The following EML4 variants were observed in gnomAD, a reference collection of about 807,000 sequenced individuals.
EML4 encodes the protein echinoderm microtubule-associated protein-like 4.
EML4 carries 72 observed loss-of-function variants against 129.0 expected under a neutral mutation model. The ratio of observed to expected loss-of-function variants is 0.56; its 90% CI spans 0.46 to 0.68. EML4 has a LOEUF of 0.68. Ranked by LOEUF, EML4 falls within the 30% of genes least tolerant of loss-of-function variation. EML4 has a pLI of 0.00. For synonymous variants in EML4, 532 were observed against 405.0 expected (o/e 1.31, Z -3.77); for missense variants, 1,363 against 1,190.6 (o/e 1.14, Z -2.13).
intron 1 of EML4, 37 bp from the exon 2 acceptor site, chr2:42,245,468 T>G: frequency 6.6e-7 from 1 of 1,508,888 alleles, no homozygotes; most frequent in Non-Finnish European, 9.0e-7. Flanking sequence ...TCAAGCAGTT[T>G]ACTTAAAAAT....
At position 42,295,251 on chromosome 2, in the gene EML4, AT is replaced by A; in HGVS notation, c.1350del (p.Phe450LeufsTer13). 1 of 1,613,140 alleles carries A rather than the reference AT, an allele frequency of 6.2e-7. No homozygotes were observed. The highest frequency in any genetic ancestry group is 1.1e-5 in the South Asian group (1 of 90,722). On this transcript the variant is annotated frameshift_variant, in exon 12 of 23. Coordinates refer to ENST00000318522, the MANE Select transcript of EML4 (RefSeq NM_019063.5). LOFTEE classifies it high-confidence loss of function. ...SGNSLTRKQG[I>X]FGKYEKPKFV... ...CAATTCACTAACAAGAAAACAGGGA[AT>A]TTTTGGGGTAAGAATCAGATTGTTT... is the stretch of plus-strand genomic sequence containing the variant.
At chr2:42,295,049 A>G in intron 11 of EML4, 76 bp from the exon 12 acceptor site, 2 of 1,317,680 alleles carry the variant, frequency 1.5e-6, no homozygotes, top group Non-Finnish European at 2.1e-6. Flanking sequence ...GTTAATTGTA[A>G]GTAGCAGTAA....
chr2:42,215,441 C>G (rs1484567801), intron 1 of EML4, among the ~76,000 whole-genome samples: 1 of 152,002 alleles, frequency 6.6e-6, no homozygotes, highest in Non-Finnish European at 1.5e-5. Context: ...TTTTATGTAC[C>G]TATAAAAGCT....
intron 1 of EML4, among the ~76,000 whole-genome samples, chr2:42,236,394 G>A (rs1229455107): frequency 2.0e-5 from 3 of 152,180 alleles, no homozygotes; most frequent in Non-Finnish European, 2.9e-5. Context: ...TCTTGGACAT[G>A]TCTTTTGATG....
In EML4 at chr2:42,216,230, C is replaced by CTTT. The variant is rs61417977; in HGVS notation, c.26-29247_26-29245dup. Among the ~76,000 whole-genome samples the CTTT allele has an allele frequency of 7.9e-3, 342 of 43,388 alleles. 43 individuals carry two copies. The highest frequency in any genetic ancestry group is 0.034 in the African/African-American group (265 of 7,862). The allele number at this position is 43,388 out of a possible 152,430, so 28.5% of individuals were successfully genotyped here. On this transcript the variant is annotated intron_variant, in intron 1 of 22. Coordinates refer to ENST00000318522, the MANE Select transcript of EML4 (RefSeq NM_019063.5). ...ATGAGCTACCACACCCGGCCCACTT[C>CTTT]TTTTTTTTTTTTTTTTTTTTTTTTT...
intron 1 of EML4, among the ~76,000 whole-genome samples, chr2:42,227,141 C>T (rs1026543752): frequency 1.3e-5 from 2 of 152,006 alleles, no homozygotes; most frequent in East Asian, 1.9e-4. Context: ...GGTAAGATCT[C>T]GCTCTGTTGC....
At chr2:42,178,312 G>A (rs1670729580) in intron 1 of EML4, among the ~76,000 whole-genome samples, 1 of 151,958 alleles carries the variant, frequency 6.6e-6, no homozygotes, top group Non-Finnish European at 1.5e-5. Context: ...GGAGGCCAGG[G>A]TAGGAATATC....
intron 18 of EML4, among the ~76,000 whole-genome samples, chr2:42,316,856 C>A (rs1669270869): frequency 6.6e-6 from 1 of 152,148 alleles, no homozygotes; most frequent in African/African-American, 2.4e-5. Flanking sequence ...CCTTTTGAGT[C>A]CTCATGAAGC....
chr2:42,320,437 C>T (rs1041815741), intron 19 of EML4, among the ~76,000 whole-genome samples: 2 of 152,028 alleles, frequency 1.3e-5, no homozygotes, highest in African/African-American at 2.4e-5. Flanking sequence ...GTTACTTAAC[C>T]TATCTATGCA....
At chr2:42,304,827 G>A (rs1668500718) in intron 17 of EML4, among the ~76,000 whole-genome samples, 1 of 152,126 alleles carries the variant, frequency 6.6e-6, no homozygotes, top group African/African-American at 2.4e-5. Flanking sequence ...GTATGGGACA[G>A]AATAAAAAAT....
intron 11 of EML4, among the ~76,000 whole-genome samples, chr2:42,293,951 T>G (rs964150035): frequency 2.0e-5 from 3 of 152,220 alleles, no homozygotes; most frequent in Non-Finnish European, 4.4e-5. Flanking sequence ...ACACGTAAAG[T>G]TCTTTGCTAA....
intron 1 of EML4, among the ~76,000 whole-genome samples, chr2:42,208,517 C>T (rs1362089298): frequency 6.6e-6 from 1 of 151,230 alleles, no homozygotes; most frequent in African/African-American, 2.4e-5. Context: ...TGATTGCAAC[C>T]TCCGCCCTCT....
chr2:42,199,935 G>A (rs1156405694), intron 1 of EML4, among the ~76,000 whole-genome samples: 1 of 152,100 alleles, frequency 6.6e-6, no homozygotes, highest in Non-Finnish European at 1.5e-5. Context: ...ATTTATGCCA[G>A]TCTTAAAAAA....
chr2:42,273,604 T>C (rs1327986530), intron 6 of EML4, among the ~76,000 whole-genome samples: 5 of 152,222 alleles, frequency 3.3e-5, no homozygotes, highest in Middle Eastern at 6.8e-3. Context: ...CCCACCCCAC[T>C]ATGTAATTAA....
At position 42,264,100 on chromosome 2, in the gene EML4, C is replaced by CGG. The variant is rs1665906441; in HGVS notation, c.642-605_642-604insGG. 2.7e-5 allele frequency among the ~76,000 whole-genome samples: 3 copies of CGG among 109,392 alleles called. 1 individual carries two copies. The highest frequency in any genetic ancestry group is 3.2e-4 in the East Asian group (1 of 3,086). 71.8% of individuals were successfully genotyped at this position (109,392 alleles called of 152,430 possible). A position where few individuals can be genotyped will look rare whatever the true frequency, so the allele number is the denominator to read the frequency against. On this transcript the variant is annotated intron_variant, in intron 5 of 22. Coordinates refer to ENST00000318522, the MANE Select transcript of EML4 (RefSeq NM_019063.5). ...TTTAAGGCTCCCAACTCAAACAATACGTGTTTTTTTTTTTTTTTTTTTTTT... is the reference window on the plus strand; with the variant it reads ...TTTAAGGCTCCCAACTCAAACAATACGGGTGTTTTTTTTTTTTTTTTTTTTTT...
Position 42,286,314 on chromosome 2 carries a change from A to G in EML4, c.1057A>G (p.Thr353Ala), listed in dbSNP as rs1301787687. The change falls in exon 10 of 23, where the codon ACA becomes GCA. Residue 353 changes from threonine to alanine, a missense_variant. Physicochemically the swap from Thr to Ala is moderately conservative, Grantham distance 58. Transcript: ENST00000318522. Reference protein sequence around the residue: ...VRVWDSVTLSTLQIIGLGTFE... With the variant: ...VRVWDSVTLSALQIIGLGTFE... ...AGTGTGGGATTCTGTTACTCTATCCACACTGCAGATTATTGGACTTGGCAC... is the reference window on the plus strand; with the variant it reads ...AGTGTGGGATTCTGTTACTCTATCCGCACTGCAGATTATTGGACTTGGCAC... 1.9e-6 allele frequency: 3 copies of G among 1,613,962 alleles called. No individual in the cohort carries two copies. Among genetic ancestry groups the G allele is most frequent in the Non-Finnish European group, 1.7e-6 (2 of 1,179,946 alleles).
chr2:42,181,298 T>A (rs182042835), intron 1 of EML4, among the ~76,000 whole-genome samples: 81 of 152,288 alleles, frequency 5.3e-4, no homozygotes, highest in African/African-American at 1.8e-3. Flanking sequence ...TTTTTTTATT[T>A]TTATTTTATT....
At chr2:42,179,263 GTT>G (rs11396677) in intron 1 of EML4, among the ~76,000 whole-genome samples, 66 of 142,814 alleles carry the variant, frequency 4.6e-4, no homozygotes, top group East Asian at 1.2e-3. Flanking sequence ...GGGGAGCTGG[GTT>G]TTTTTTTTTT....
chr2:42,325,624 ATATATATATATAT>A, intron 20 of EML4, 70 bp downstream of exon 20: 1 of 114,044 alleles, frequency 8.8e-6, no homozygotes, highest in Non-Finnish European at 1.4e-5. Context: ...ATATATATAT[ATATATATATATAT>A]ATGCTAAGAT....
Sources: allele counts gnomAD v4.1 joint callset (sites outside exome capture counted in the v4.1 genomes callset), GRCh38; gene constraint gnomAD v4.1.1; transcripts MANE v1.5; gene names NCBI Gene and HGNC (gene_info 2026-07-23, HGNC 2026-07-21).